DRC8: variants seen among roughly 807,000 people sequenced by gnomAD.
DRC8 encodes dynein regulatory complex protein 8.
chr1:245,024,846 A>G, the DRC8 span, among the ~76,000 whole-genome samples: 2 of 151,976 alleles, frequency 1.3e-5, no homozygotes, highest in Admixed American at 6.6e-5. Context: ...GTCCAGCCTA[A>G]TTTTCATTTT....
chr1:245,031,984 G>C, the DRC8 span, among the ~76,000 whole-genome samples: 3 of 152,156 alleles, frequency 2.0e-5, no homozygotes, highest in Non-Finnish European at 2.9e-5. Flanking sequence ...GAAAGGTAGG[G>C]GTTAGTAACT....
the DRC8 span, among the ~76,000 whole-genome samples, chr1:245,075,416 A>C: frequency 7.2e-5 from 11 of 152,380 alleles, no homozygotes; most frequent in Non-Finnish European, 1.6e-4. Context: ...AAAGTCCCAC[A>C]GTATTTATTG....
chr1:245,008,670 C>CT, the DRC8 span, among the ~76,000 whole-genome samples: 88,598 of 139,338 alleles, frequency 0.64, 28,259 homozygotes, highest in East Asian at 0.75. Context: ...TGTTCTCACA[C>CT]TTTTTTTTTT....
chr1:245,076,548 A>G, the DRC8 span, among the ~76,000 whole-genome samples: 1 of 152,242 alleles, frequency 6.6e-6, no homozygotes, highest in Admixed American at 6.5e-5. Context: ...GATTTTCCCA[A>G]CACGACTTTG....
the DRC8 span, among the ~76,000 whole-genome samples, chr1:245,058,684 T>C: frequency 6.6e-6 from 1 of 152,250 alleles, no homozygotes; most frequent in Admixed American, 6.5e-5. Context: ...TCAGAGAGTA[T>C]TGAATAGCAT....
chr1:245,120,202 A>C, the DRC8 span, among the ~76,000 whole-genome samples: 2 of 152,212 alleles, frequency 1.3e-5, no homozygotes, highest in African/African-American at 4.8e-5. Context: ...AACCACTCGG[A>C]TCCCTCTCCC....
the DRC8 span, among the ~76,000 whole-genome samples, chr1:245,007,429 AT>A: frequency 3.4e-4 from 51 of 152,198 alleles, no homozygotes; most frequent in Non-Finnish European, 6.2e-4. Flanking sequence ...ATCTTAGTGA[AT>A]TTTTGTTAAT....
At chr1:244,992,688 C>T in the DRC8 span, among the ~76,000 whole-genome samples, 14,334 of 152,028 alleles carry the variant, frequency 0.094, 849 homozygotes, top group East Asian at 0.24. Flanking sequence ...TGCAGTGAGC[C>T]GAGATTGTGC....
the DRC8 span, among the ~76,000 whole-genome samples, chr1:245,116,193 A>T: frequency 6.6e-6 from 1 of 151,536 alleles, no homozygotes; most frequent in Admixed American, 6.6e-5. Flanking sequence ...TGGCCTAAAG[A>T]TCCTATCTGT....
At chr1:245,121,022 G>T in the DRC8 span, among the ~76,000 whole-genome samples, 1 of 152,130 alleles carries the variant, frequency 6.6e-6, no homozygotes. Context: ...AATATTTAGG[G>T]CAAATACAGT....
At chr1:245,095,311 G>T in the DRC8 span, among the ~76,000 whole-genome samples, 1 of 152,200 alleles carries the variant, frequency 6.6e-6, no homozygotes, top group Non-Finnish European at 1.5e-5. Flanking sequence ...ACACCCCGCT[G>T]GAGGGAGAAA....
chr1:244,970,393 TC>T, the DRC8 span: 2 of 1,536,878 alleles, frequency 1.3e-6, no homozygotes, highest in African/African-American at 2.8e-5. Flanking sequence ...GTTAGGCATC[TC>T]CCAGGCGACC....
chr1:245,050,298 C>A, the DRC8 span, among the ~76,000 whole-genome samples: 1 of 152,010 alleles, frequency 6.6e-6, no homozygotes, highest in African/African-American at 2.4e-5. Context: ...TGGGGTTTCA[C>A]CATGCTGGCC....
chr1:245,044,942 A>C, the DRC8 span, among the ~76,000 whole-genome samples: 1 of 150,822 alleles, frequency 6.6e-6, no homozygotes, highest in Non-Finnish European at 1.5e-5. Flanking sequence ...AGATAACTTC[A>C]ATAATTTAAA....
chr1:245,008,782 T>C, the DRC8 span, among the ~76,000 whole-genome samples: 1 of 151,532 alleles, frequency 6.6e-6, no homozygotes, highest in Non-Finnish European at 1.5e-5. Context: ...GATCCTCCCA[T>C]GTCAGCCTCC....
chr1:245,087,895 A>T, the DRC8 span: 1 of 585,618 alleles, frequency 1.7e-6, no homozygotes, highest in Non-Finnish European at 2.2e-6. Context: ...ACTTAGTGTA[A>T]ACATTTATAT....
the DRC8 span, among the ~76,000 whole-genome samples, chr1:245,101,031 C>T: frequency 6.6e-6 from 1 of 151,880 alleles, no homozygotes; most frequent in Admixed American, 6.6e-5. Context: ...ATTACAGGCA[C>T]CCACCACCAC....
the DRC8 span, among the ~76,000 whole-genome samples, chr1:245,040,698 T>G: frequency 6.6e-6 from 1 of 152,180 alleles, no homozygotes; most frequent in Non-Finnish European, 1.5e-5. Context: ...TCCCAGCACT[T>G]TGGGAGGTTG....
the DRC8 span, among the ~76,000 whole-genome samples, chr1:245,074,998 G>T: frequency 6.6e-6 from 1 of 152,168 alleles, no homozygotes; most frequent in Admixed American, 6.5e-5. Flanking sequence ...TAGCTGAAAT[G>T]CAGATGCTTT....
Sources: gnomAD v4.1 joint callset for allele counts (sites outside exome capture counted in the v4.1 genomes callset) on GRCh38, gnomAD v4.1.1 for gene constraint, MANE v1.5 for transcripts, NCBI Gene and HGNC (gene_info 2026-07-23, HGNC 2026-07-21) for gene names.